The following RANBP3 variants were observed in gnomAD, a reference collection of about 807,000 sequenced individuals.
The protein encoded by RANBP3 is ran-binding protein 3.
RANBP3 carries 14 observed loss-of-function variants against 77.3 expected under a neutral mutation model. The ratio of observed to expected loss-of-function variants is 0.18; its 90% CI spans 0.12 to 0.28. RANBP3 has a LOEUF of 0.28. RANBP3 is among the 10% of genes least tolerant of loss of function. RANBP3 has a pLI of 1.00. For synonymous variants in RANBP3, 315 were observed against 312.4 expected, an observed-to-expected ratio of 1.01 and a Z score of -0.09; for missense variants, 586 against 752.3, an observed-to-expected ratio of 0.78 and a Z score of 2.59.
At position 5,916,738 on chromosome 19, in the gene RANBP3, G is replaced by GTT. The variant is rs2057743404; in HGVS notation, c.*871_*872insAA. The GTT allele has an allele frequency of 6.6e-6, 1 of 152,576 alleles. No homozygotes were observed. The highest frequency in any genetic ancestry group is 6.5e-5 in the Admixed American group (1 of 15,290). The allele number at this position is 152,576 out of a possible 1,614,324, so 9.5% of individuals were successfully genotyped here. A position where few individuals can be genotyped will look rare whatever the true frequency, so the allele number is the denominator to read the frequency against. ...CTGGTGCCTGATGATGGTGAACCAC[G>GTT]TGACAGATGGAGACGGGAGTCAGGG... On this transcript the variant is annotated 3_prime_UTR_variant, in exon 17 of 17. Transcript: ENST00000340578.
chr19:5,976,894 G>C (rs1568487404), intron 1 of RANBP3, among the ~76,000 whole-genome samples: 1 of 152,212 alleles, frequency 6.6e-6, no homozygotes, highest in African/African-American at 2.4e-5. Context: ...AGGCCATCTT[G>C]GTTCACATCC....
Position 5,925,597 on chromosome 19 carries a change from G to A in RANBP3, c.917+37C>T, listed in dbSNP as rs746831486. Reference sequence around the variant, plus strand: ...AGAAGCCCTCGCGGCCACCTGCATCGCCATGCCAGGCTGGCCGCTGACACC... The same window carrying A: ...AGAAGCCCTCGCGGCCACCTGCATCACCATGCCAGGCTGGCCGCTGACACC... On this transcript the variant is annotated intron_variant, in intron 10 of 16. Coordinates refer to ENST00000340578, the MANE Select transcript of RANBP3 (RefSeq NM_007322.3). 16 of 1,583,132 alleles carry A rather than the reference G, an allele frequency of 1.0e-5. No homozygotes were observed. The highest frequency in any genetic ancestry group is 1.7e-5 in the Admixed American group (1 of 59,914).
intron 2 of RANBP3, 80 bp from the exon 3 acceptor site, chr19:5,951,676 G>A (rs1260543252): frequency 1.5e-6 from 2 of 1,299,302 alleles, no homozygotes; most frequent in Non-Finnish European, 2.2e-6. Context: ...AGGGGTCAGA[G>A]GCTGGAGCTG....
At chr19:5,964,881 A>C (rs2058448212) in intron 1 of RANBP3, among the ~76,000 whole-genome samples, 5 of 107,512 alleles carry the variant, frequency 4.7e-5, no homozygotes, top group African/African-American at 6.1e-5. Context: ...GTGGGGGGTC[A>C]CCTCCGCCCT....
Position 5,941,851 on chromosome 19 carries a change from C to T in RANBP3, c.283-16G>A, listed in dbSNP as rs752076589. 20 of 1,612,006 alleles carry T rather than the reference C, an allele frequency of 1.2e-5. No homozygotes were observed. The highest frequency in any genetic ancestry group is 1.4e-5 in the Non-Finnish European group (17 of 1,180,030). On this transcript the variant is annotated splice_polypyrimidine_tract_variant and intron_variant, in intron 3 of 16. Coordinates refer to ENST00000340578, the MANE Select transcript of RANBP3 (RefSeq NM_007322.3). ...CAGCTGACCTCTGAAACAAGGAGCA[C>T]ACAGCCGGGGTCAGAGGGCATCAGG...
At chr19:5,968,744 C>T (rs1245679631) in intron 1 of RANBP3, among the ~76,000 whole-genome samples, 1 of 152,114 alleles carries the variant, frequency 6.6e-6, no homozygotes, top group Non-Finnish European at 1.5e-5. Context: ...GAAGGCAGGC[C>T]GAGCCGAGCA....
chr19:5,939,599 G>A (rs1599750067), intron 5 of RANBP3, among the ~76,000 whole-genome samples: 1 of 152,176 alleles, frequency 6.6e-6, no homozygotes, highest in Non-Finnish European at 1.5e-5. Flanking sequence ...ACAAGGAGGT[G>A]CAGGCGGGGG....
chr19:5,939,375 T>C (rs761020763), intron 5 of RANBP3, among the ~76,000 whole-genome samples: 3 of 151,016 alleles, frequency 2.0e-5, no homozygotes, highest in Non-Finnish European at 4.4e-5. Flanking sequence ...AGCTGAAGAG[T>C]TGGGGGAAAA....
chr19:5,920,651 A>G (rs1343426235), intron 14 of RANBP3, among the ~76,000 whole-genome samples: 1 of 152,022 alleles, frequency 6.6e-6, no homozygotes, highest in African/African-American at 2.4e-5. Context: ...AAGTTCACGC[A>G]ATTCTCCTGC....
intron 3 of RANBP3, among the ~76,000 whole-genome samples, chr19:5,944,240 G>A (rs1239128694): frequency 6.6e-6 from 1 of 152,226 alleles, no homozygotes; most frequent in Non-Finnish European, 1.5e-5. Flanking sequence ...TGAATAGGGA[G>A]TCAGGGGTGT....
intron 5 of RANBP3, among the ~76,000 whole-genome samples, chr19:5,937,825 C>A (rs1173523890): frequency 6.6e-6 from 1 of 152,150 alleles, no homozygotes; most frequent in African/African-American, 2.4e-5. Flanking sequence ...GAGGCCGTTG[C>A]TCACAGACCT....
In RANBP3 at chr19:5,921,127, T is replaced by C. The variant is rs2057813317; in HGVS notation, c.1330+74A>G. The C allele has an allele frequency of 4.6e-6, 7 of 1,526,098 alleles. No individual in the cohort carries two copies. The highest frequency in any genetic ancestry group is 1.8e-5 in the Admixed American group (1 of 54,650). 94.5% of individuals were successfully genotyped at this position (1,526,098 alleles called of 1,614,324 possible). On this transcript the variant is annotated intron_variant, in intron 14 of 16. Coordinates refer to ENST00000340578, the MANE Select transcript of RANBP3 (RefSeq NM_007322.3). This position sits in a 1 kb window ranked among gnomAD's most constrained non-coding sequence, Gnocchi z 5.3. ...TAGGGTCAGGATCTCCCCCGCTTCA[T>C]TCCCTTTGGAATTGCATAGTCCCCA...
intron 1 of RANBP3, among the ~76,000 whole-genome samples, chr19:5,966,657 A>C (rs1283483881): frequency 6.6e-6 from 1 of 152,248 alleles, no homozygotes; most frequent in Non-Finnish European, 1.5e-5. Context: ...CCTGTCATGG[A>C]GGATCTCCCG....
At chr19:5,969,014 C>G (rs2058500349) in intron 1 of RANBP3, among the ~76,000 whole-genome samples, 2 of 152,150 alleles carry the variant, frequency 1.3e-5, no homozygotes, top group Non-Finnish European at 2.9e-5. Context: ...GAAGGGTGAG[C>G]AGGGATGAGC....
intron 9 of RANBP3, 25 bp downstream of exon 9, chr19:5,927,943 T>C (rs202191604): frequency 6.9e-6 from 11 of 1,584,056 alleles, no homozygotes; most frequent in African/African-American, 4.1e-5. Context: ...AAAAAGTCAA[T>C]GTGCTGGTTC....
chr19:5,976,283 A>G (rs1180925402), intron 1 of RANBP3: 1 of 152,110 alleles, frequency 6.6e-6, no homozygotes, highest in African/African-American at 2.4e-5. Context: ...CCAAATGGAG[A>G]TGTCGAAATG....
At chr19:5,954,732 C>T (rs1020367253) in intron 2 of RANBP3, among the ~76,000 whole-genome samples, 1 of 152,172 alleles carries the variant, frequency 6.6e-6, no homozygotes, top group African/African-American at 2.4e-5. Flanking sequence ...TGATGGCCTC[C>T]GCAAGAGAGA....
rs766342300 is a variant in RANBP3, at chr19:5,917,913, C to T, written c.1541G>A (p.Arg514His). Residue 514 changes from arginine to histidine, a missense_variant, in exon 16 of 17, where the codon CGC becomes CAC. Arg to His is a conservative substitution (Grantham distance 29). Coordinates refer to ENST00000340578, the MANE Select transcript of RANBP3 (RefSeq NM_007322.3). ...LHHRILALRS[R>H]VEQEQEAKMP... ...CTTGGCCTCCTGCTCCTGCTCCACG[C>T]GGCTGCGCAGGGCCAGGATGCGGTG... 1.4e-5 allele frequency: 22 copies of T among 1,612,810 alleles called. No individual in the cohort carries two copies. The highest frequency in any genetic ancestry group is 8.9e-5 in the East Asian group (4 of 44,888).
At chr19:5,928,945 G>A (rs887426685) in intron 8 of RANBP3, among the ~76,000 whole-genome samples, 16 of 152,206 alleles carry the variant, frequency 1.1e-4, no homozygotes, top group Admixed American at 7.2e-4. Flanking sequence ...CTGGCGATGT[G>A]TACAGTGGAC....
Sources: gnomAD v4.1 joint callset for allele counts (sites outside exome capture counted in the v4.1 genomes callset) on GRCh38, gnomAD v4.1.1 for gene constraint, Gnocchi (gnomAD v3.1) non-coding constraint, MANE v1.5 for transcripts, NCBI Gene and HGNC (gene_info 2026-07-23, HGNC 2026-07-21) for gene names.